Variants in TMEM50B observed in about 807,000 individuals in gnomAD.
TMEM50B encodes transmembrane protein 50B, also known as HCV p7-trans-regulated protein 3.
In TMEM50B, 14 loss-of-function variants were observed where a neutral mutation model predicts 23.4. That is an observed-to-expected ratio of 0.60 (90% CI 0.39 to 0.93). TMEM50B has a LOEUF of 0.93. Ranked by LOEUF, TMEM50B falls within the 40% of genes least tolerant of loss-of-function variation. The pLI is 0.00. For missense variants in TMEM50B, 159 were observed against 193.0 expected, an observed-to-expected ratio of 0.82 and a Z score of 1.04; for synonymous variants, 64 against 62.3, an observed-to-expected ratio of 1.03 and a Z score of -0.13.
chr21:33,455,744 A>C lies in TMEM50B; in HGVS notation c.414T>G (p.Asn138Lys), dbSNP rs768808564. 2 of 1,613,960 alleles carry C rather than the reference A, an allele frequency of 1.2e-6. No homozygotes were observed. The highest frequency in any genetic ancestry group is 1.7e-6 in the Non-Finnish European group (2 of 1,179,878). ...VYPGLAVFFQNALIFFSTLIY... is the reference protein window; with the variant it reads ...VYPGLAVFFQKALIFFSTLIY... Reference sequence around the variant, plus strand: ...CAACTTACCTAAAAAATATAAGTGCATTTTGAAAAAACACAGCTAGTCCCG... The same window carrying C: ...CAACTTACCTAAAAAATATAAGTGCCTTTTGAAAAAACACAGCTAGTCCCG... The change falls in exon 6 of 7, where the codon AAT becomes AAG. Residue 138 changes from asparagine (N) to lysine (K), a missense_variant. Coordinates refer to ENST00000542230, the MANE Select transcript of TMEM50B (RefSeq NM_006134.7).
intron 1 of TMEM50B, among the ~76,000 whole-genome samples, chr21:33,469,154 C>A (rs981353463): frequency 1.3e-5 from 2 of 152,106 alleles, no homozygotes; most frequent in Non-Finnish European, 2.9e-5. Flanking sequence ...TGGTTTTAAA[C>A]CATGTCTAGG....
chr21:33,460,608 C>T (rs1193286125), intron 4 of TMEM50B, 103 bp from the exon 5 acceptor site: 5 of 502,756 alleles, frequency 9.9e-6, no homozygotes, highest in African/African-American at 4.0e-5. Context: ...ATATATTATG[C>T]ATATCAAAGA....
At chr21:33,446,221 T>G (rs1395653943), downstream of TMEM50B, among the ~76,000 whole-genome samples, 1 of 143,754 alleles carries the variant, frequency 7.0e-6, no homozygotes, top group Non-Finnish European at 1.5e-5. Context: ...ACATTTTTCT[T>G]TTATTTTTTT....
intron 1 of TMEM50B, chr21:33,479,428 G>A (rs2084405944): frequency 6.6e-6 from 1 of 152,336 alleles, no homozygotes; most frequent in Non-Finnish European, 1.5e-5. Context: ...TCCGGCCTCG[G>A]GAGGGCGTCG....
intron 6 of TMEM50B, among the ~76,000 whole-genome samples, chr21:33,453,890 G>A (rs2084144986): frequency 6.6e-6 from 1 of 152,026 alleles, no homozygotes; most frequent in African/African-American, 2.4e-5. Flanking sequence ...GATCACTTGA[G>A]GTCAGGAGTT....
At chr21:33,475,819 T>C (rs1176931100) in intron 1 of TMEM50B, among the ~76,000 whole-genome samples, 12 of 152,090 alleles carry the variant, frequency 7.9e-5, no homozygotes, top group Non-Finnish European at 1.5e-4. Context: ...CTGGGCGTGG[T>C]GGCACGCACC....
intron 5 of TMEM50B, 49 bp downstream of exon 5, chr21:33,460,364 A>G (rs993907380): frequency 6.6e-6 from 8 of 1,203,194 alleles, no homozygotes; most frequent in Non-Finnish European, 8.6e-6. Context: ...CAAATATAAA[A>G]GACATATCTG....
chr21:33,474,190 G>A (rs888534927), intron 1 of TMEM50B, among the ~76,000 whole-genome samples: 2 of 151,272 alleles, frequency 1.3e-5, no homozygotes, highest in Admixed American at 1.3e-4. Flanking sequence ...TTGGGGGGCA[G>A]GGGAGGGGGT....
At chr21:33,478,809 A>T in intron 1 of TMEM50B, 1 of 471,194 alleles carries the variant, frequency 2.1e-6, no homozygotes, top group South Asian at 1.5e-5. Flanking sequence ...TTTAAAAGAC[A>T]AGAAACAAAA....
In TMEM50B at chr21:33,449,821, CAA is replaced by C. The variant is rs1309664318; in HGVS notation, c.*995_*996del. On this transcript the variant is annotated 3_prime_UTR_variant, in exon 7 of 7. Coordinates refer to ENST00000542230, the MANE Select transcript of TMEM50B (RefSeq NM_006134.7). ...GTAACATCAGATAATGGCAAGTTGT[CAA>C]AAGATAACCCCAGTGGATATTTGAA... The C allele has an allele frequency of 6.6e-6, 1 of 152,600 alleles. No individual in the cohort carries two copies. The allele number at this position is 152,600 out of a possible 1,614,324, so 9.5% of individuals were successfully genotyped here. A position where few individuals can be genotyped will look rare whatever the true frequency, so the allele number is the denominator to read the frequency against.
rs1037022972 is a variant in TMEM50B at position 33,449,592 on chromosome 21, T to C, written c.*1226A>G. ...ATGAACTTTCAAGTTGAAGATATAT[T>C]TCACAGGAATATTCACCCAAAGCTT... On this transcript the variant is annotated 3_prime_UTR_variant, in exon 7 of 7. Transcript: ENST00000542230. 2 of 152,190 alleles carry C rather than the reference T, an allele frequency of 1.3e-5. No homozygotes were observed. The highest frequency in any genetic ancestry group is 4.8e-5 in the African/African-American group (2 of 41,438). 9.4% of individuals were successfully genotyped at this position (152,190 alleles called of 1,614,324 possible).
At chr21:33,437,070 C>T (rs1802586) in intron 8 of TMEM50B, 1 of 1,106,960 alleles carries the variant, frequency 9.0e-7, no homozygotes, top group Non-Finnish European at 1.4e-6. Flanking sequence ...TTTGCTGCCT[C>T]TAAAAGGCCT....
chr21:33,436,529 C>T (rs1045891250), intron 8 of TMEM50B, among the ~76,000 whole-genome samples: 43 of 152,036 alleles, frequency 2.8e-4, no homozygotes, highest in African/African-American at 9.4e-4. Context: ...TTGAGACCAG[C>T]GTGGCCAACA....
downstream of TMEM50B, among the ~76,000 whole-genome samples, chr21:33,444,816 A>G (rs1402721347): frequency 6.6e-6 from 1 of 150,492 alleles, no homozygotes; most frequent in Non-Finnish European, 1.5e-5. Context: ...AAAAAAAAAA[A>G]AAAAGAAAGA....
chr21:33,467,270 C>T, intron 2 of TMEM50B, 148 bp from the exon 3 acceptor site: 1 of 629,272 alleles, frequency 1.6e-6, no homozygotes, highest in Non-Finnish European at 2.7e-6. Flanking sequence ...GAGGCCAAGG[C>T]AGGTGGATTA....
intron 7 of TMEM50B, among the ~76,000 whole-genome samples, chr21:33,439,473 G>C (rs142628991): frequency 6.6e-6 from 1 of 151,942 alleles, no homozygotes; most frequent in African/African-American, 2.4e-5. Context: ...TCTGCCTTCC[G>C]GGTTCAAGCG....
At chr21:33,459,980 C>CA (rs575092704) in intron 5 of TMEM50B, among the ~76,000 whole-genome samples, 179 of 152,280 alleles carry the variant, frequency 1.2e-3, no homozygotes, top group Middle Eastern at 3.4e-3. Flanking sequence ...TAGTGAGCTC[C>CA]ATGTCAGTTT....
At chr21:33,443,892 GT>G (rs762875551) in intron 7 of TMEM50B, among the ~76,000 whole-genome samples, 1 of 95,806 alleles carries the variant, frequency 1.0e-5, no homozygotes, top group Non-Finnish European at 1.9e-5. Flanking sequence ...ATTCTTTGTG[GT>G]TTTTTTTTGT....
chr21:33,465,149 C>G, intron 4 of TMEM50B, 193 bp downstream of exon 4: 1 of 483,522 alleles, frequency 2.1e-6, no homozygotes, highest in Non-Finnish European at 3.7e-6. Flanking sequence ...TGTAACATGA[C>G]AAAAACAGTA....
Sources: allele counts gnomAD v4.1 joint callset (sites outside exome capture counted in the v4.1 genomes callset), GRCh38; gene constraint gnomAD v4.1.1; transcripts MANE v1.5; gene names NCBI Gene and HGNC (gene_info 2026-07-23, HGNC 2026-07-21).